USP53: variants seen among roughly 807,000 people sequenced by gnomAD.
USP53 encodes ubiquitin specific peptidase 53, also known as ubiquitin carboxyl-terminal hydrolase 53.
In USP53, 71 loss-of-function variants were observed where a neutral mutation model predicts 94.9. The observed-to-expected ratio is 0.75, with a 90% CI of 0.62 to 0.91. The LOEUF (loss-of-function observed/expected upper bound fraction) is 0.91. Among genes scored for constraint, USP53 ranks in the 40% least tolerant of loss-of-function variants. The pLI, the probability that USP53 is intolerant of heterozygous loss-of-function variation, is 0.00. For synonymous variants in USP53, 375 were observed against 422.7 expected, an observed-to-expected ratio of 0.89 and a Z score of 1.39; for missense variants, 1,173 against 1,281.0, an observed-to-expected ratio of 0.92 and a Z score of 1.29.
At chr4:119,236,696 C>T (rs1169395799) in intron 4 of USP53, among the ~76,000 whole-genome samples, 1 of 152,202 alleles carries the variant, frequency 6.6e-6, no homozygotes, top group Non-Finnish European at 1.5e-5. Flanking sequence ...GAGATTGCAG[C>T]AATTCAGTCA....
Position 119,291,147 on chromosome 4 carries a change from C to A in USP53, c.2252-18C>A. On this transcript the variant is annotated intron_variant, in intron 17 of 18. Coordinates refer to ENST00000692078, the MANE Select transcript of USP53 (RefSeq NM_001371395.1). Reference sequence around the variant, plus strand: ...TTTTGTTTTCCTCATCTCTTCTCCCCACCCCACCCAACCCTAGGCTTTAGA... The same window carrying A: ...TTTTGTTTTCCTCATCTCTTCTCCCAACCCCACCCAACCCTAGGCTTTAGA... 1.2e-6 allele frequency: 1 copy of A among 821,128 alleles called. No homozygotes were observed. The highest frequency in any genetic ancestry group is 2.0e-5 in the South Asian group (1 of 51,274). 50.9% of individuals were successfully genotyped at this position (821,128 alleles called of 1,614,324 possible).
chr4:119,258,469 T>C (rs1004188472), intron 9 of USP53, among the ~76,000 whole-genome samples: 1 of 152,214 alleles, frequency 6.6e-6, no homozygotes, highest in Non-Finnish European at 1.5e-5. Context: ...CAGCTTACAT[T>C]ACATTCCTTT....
chr4:119,261,603 G>A (rs1208166997), intron 11 of USP53, 112 bp from the exon 12 acceptor site: 7 of 743,872 alleles, frequency 9.4e-6, no homozygotes, highest in South Asian at 6.3e-5. Context: ...TTAGATTGGG[G>A]CAGTATGCAT....
At chr4:119,227,115 A>G (rs949127733) in intron 3 of USP53, among the ~76,000 whole-genome samples, 8 of 152,202 alleles carry the variant, frequency 5.3e-5, no homozygotes, top group Non-Finnish European at 8.8e-5. Flanking sequence ...TGCAGGCATG[A>G]GCCACTGTGC....
intron 9 of USP53, among the ~76,000 whole-genome samples, chr4:119,257,323 C>T (rs960595965): frequency 6.6e-6 from 1 of 152,084 alleles, no homozygotes; most frequent in Non-Finnish European, 1.5e-5. Context: ...CACCTGTAAT[C>T]CCAGCTCTTC....
chr4:119,258,813 C>G (rs1015785134), intron 9 of USP53, among the ~76,000 whole-genome samples: 1 of 152,126 alleles, frequency 6.6e-6, no homozygotes, highest in East Asian at 1.9e-4. Flanking sequence ...TCCCACAACA[C>G]GAAGGAATTT....
In USP53 at chr4:119,294,137, C is replaced by T. The variant is rs1166049417; in HGVS notation, c.*926C>T. The T allele has an allele frequency of 6.6e-6, 1 of 151,896 alleles. No homozygotes were observed. Among genetic ancestry groups the T allele is most frequent in the Non-Finnish European group, 1.5e-5 (1 of 67,916 alleles). The allele number at this position is 151,896 out of a possible 1,614,324, so 9.4% of individuals were successfully genotyped here. On this transcript the variant is annotated 3_prime_UTR_variant, in exon 19 of 19. Transcript: ENST00000692078. ...GTTTGGTTTACTTTGGGCTGCTAAC[C>T]ACCAGTGTTAGGAATTAATGTAGGG... is the stretch of plus-strand genomic sequence containing the variant.
Position 119,273,672 on chromosome 4 carries a change from G to A in USP53, c.2215G>A (p.Asp739Asn). ...TTSNLNKERGDCTSLQSQHHL... is the reference protein window; with the variant it reads ...TTSNLNKERGNCTSLQSQHHL... ...AAGCAACCTAAATAAAGAACGTGGG[G>A]ACTGTACCTCCCTTCAGAGCCAACA... Residue 739 changes from aspartate to asparagine, a missense_variant, in exon 17 of 19, where the codon GAC becomes AAC. Transcript: ENST00000692078. 1.9e-6 allele frequency: 3 copies of A among 1,612,734 alleles called. No homozygotes were observed. Among genetic ancestry groups the A allele is most frequent in the Non-Finnish European group, 2.5e-6 (3 of 1,179,292 alleles).
chr4:119,212,655 C>A, upstream of USP53: 1 of 353,598 alleles, frequency 2.8e-6, no homozygotes, highest in Non-Finnish European at 5.6e-6. Flanking sequence ...GGGGCGTATG[C>A]GCATGCTCCG....
rs553636946 is a variant in USP53 at position 119,294,380 on chromosome 4, C to A, written c.*1169C>A. 2 of 152,046 alleles carry A rather than the reference C, an allele frequency of 1.3e-5. No individual in the cohort carries two copies. The highest frequency in any genetic ancestry group is 2.4e-5 in the African/African-American group (1 of 41,504). 9.4% of individuals were successfully genotyped at this position (152,046 alleles called of 1,614,324 possible). A position where few individuals can be genotyped will look rare whatever the true frequency, so the allele number is the denominator to read the frequency against. ...ACTTTGAACAAATAGTAATTTTACCCCAACTACTTTTCATGAAGAGTGCTT... is the reference window on the plus strand; with the variant it reads ...ACTTTGAACAAATAGTAATTTTACCACAACTACTTTTCATGAAGAGTGCTT... On this transcript the variant is annotated 3_prime_UTR_variant, in exon 19 of 19. Transcript: ENST00000692078.
intron 2 of USP53, among the ~76,000 whole-genome samples, chr4:119,217,201 A>G (rs1045541235): frequency 1.3e-5 from 2 of 152,152 alleles, no homozygotes; most frequent in Admixed American, 6.5e-5. Flanking sequence ...CCCATCAGAT[A>G]CCTCATTCTT....
Position 119,256,293 on chromosome 4 carries a change from T to G in USP53, c.420T>G (p.Asp140Glu). 6.2e-7 allele frequency: 1 copy of G among 1,614,000 alleles called. No individual in the cohort carries two copies. The highest frequency in any genetic ancestry group is 8.5e-7 in the Non-Finnish European group (1 of 1,179,954). The change falls in exon 8 of 19, where the codon GAT (aspartate) becomes GAG (glutamate). Residue 140 changes from aspartate to glutamate, a missense_variant. Asp to Glu is a conservative substitution (Grantham distance 45). Coordinates refer to ENST00000692078, the MANE Select transcript of USP53 (RefSeq NM_001371395.1). ...RIHFHIVPSR[D>E]ADMCTSKSCI... ...ATTTTCACATAGTGCCAAGCAGAGA[T>G]GCAGACATGTGTACCTCTAAATCTT...
rs957066495 is a variant in USP53 at position 119,217,533 on chromosome 4, A to T, written c.-788-17A>T. The T allele has an allele frequency of 6.6e-6, 1 of 152,174 alleles. No individual in the cohort carries two copies. The allele number at this position is 152,174 out of a possible 1,614,324, so 9.4% of individuals were successfully genotyped here. ...ATATTTGATGAAAACTTAACCATGC[A>T]CTGTGTTCTGTTCTAGATGCTTGGG... is the stretch of plus-strand genomic sequence containing the variant. On this transcript the variant is annotated splice_polypyrimidine_tract_variant and intron_variant, in intron 2 of 18. Coordinates refer to ENST00000692078, the MANE Select transcript of USP53 (RefSeq NM_001371395.1).
intron 3 of USP53, among the ~76,000 whole-genome samples, chr4:119,226,179 T>C (rs1348745066): frequency 1.3e-5 from 2 of 152,206 alleles, no homozygotes; most frequent in Non-Finnish European, 2.9e-5. Context: ...CCCAACCTGA[T>C]ACAGATACCT....
rs1561282261 is a variant in USP53, at chr4:119,261,701, AT to A, written c.823-7del. On this transcript the variant is annotated splice_polypyrimidine_tract_variant and intron_variant, in intron 11 of 18. Transcript: ENST00000692078. Reference sequence around the variant, plus strand: ...ATGTAGTGTTAAGTGTACATTACCAATTTTTTTAAACAGCTTTTTTATAGAG... The same window carrying A: ...ATGTAGTGTTAAGTGTACATTACCAATTTTTTAAACAGCTTTTTTATAGAG... 4 of 1,558,902 alleles carry A rather than the reference AT, an allele frequency of 2.6e-6. No individual in the cohort carries two copies. The highest frequency in any genetic ancestry group is 2.3e-5 in the East Asian group (1 of 43,750).
intron 6 of USP53, among the ~76,000 whole-genome samples, chr4:119,246,513 C>T (rs1013201004): frequency 6.6e-6 from 1 of 152,178 alleles, no homozygotes; most frequent in African/African-American, 2.4e-5. Flanking sequence ...AAAATGACTT[C>T]GAGTGGAGCA....
chr4:119,249,500 C>G (rs1338656028), intron 7 of USP53, among the ~76,000 whole-genome samples: 1 of 152,040 alleles, frequency 6.6e-6, no homozygotes, highest in East Asian at 1.9e-4. Flanking sequence ...CATTTCTTCT[C>G]TCTTCTTTCT....
chr4:119,288,703 G>T (rs896388790), intron 17 of USP53, among the ~76,000 whole-genome samples: 1 of 152,070 alleles, frequency 6.6e-6, no homozygotes, highest in Non-Finnish European at 1.5e-5. Flanking sequence ...TTGGGAGGCC[G>T]ACGCTGGCGG....
At chr4:119,263,764 A>G (rs1750778274) in intron 12 of USP53, among the ~76,000 whole-genome samples, 1 of 152,106 alleles carries the variant, frequency 6.6e-6, no homozygotes, top group Admixed American at 6.6e-5. Context: ...TCTGGACCTG[A>G]TATTAAAAAG....
Sources: allele counts gnomAD v4.1 joint callset (sites outside exome capture counted in the v4.1 genomes callset), GRCh38; gene constraint gnomAD v4.1.1; transcripts MANE v1.5; gene names NCBI Gene and HGNC (gene_info 2026-07-23, HGNC 2026-07-21).